SPATA16: variants seen among roughly 807,000 people sequenced by gnomAD.
The protein encoded by SPATA16 is spermatogenesis-associated protein 16.
Under a neutral mutation model 63.3 loss-of-function variants are expected in SPATA16, and 36 were observed. The observed-to-expected ratio is 0.57, with a 90% CI of 0.44 to 0.75. The LOEUF (loss-of-function observed/expected upper bound fraction) is 0.75. Among genes scored for constraint, SPATA16 ranks in the 30% least tolerant of loss-of-function variants. The pLI, the probability that SPATA16 is intolerant of heterozygous loss-of-function variation, is 0.00. For synonymous variants in SPATA16, 203 were observed against 216.7 expected (o/e 0.94, Z 0.56); for missense variants, 646 against 679.3 (o/e 0.95, Z 0.54).
chr3:173,055,845 C>A (rs1049634587), intron 2 of SPATA16, among the ~76,000 whole-genome samples: 1 of 152,092 alleles, frequency 6.6e-6, no homozygotes, highest in African/African-American at 2.4e-5. Context: ...ACTGCATAAA[C>A]GGTACATGAG....
rs1731974202 is a variant in SPATA16, at chr3:172,894,756, A to G, written c.1588-5064T>C. Among the ~76,000 whole-genome samples the G allele has an allele frequency of 3.3e-5, 5 of 152,314 alleles. No homozygotes were observed. The South Asian group carries it at 1.0e-3, about 32-fold the overall frequency. On this transcript the variant is annotated intron_variant, in intron 10 of 10. Coordinates refer to ENST00000351008, the MANE Select transcript of SPATA16 (RefSeq NM_031955.6). ...GAATGGAACTCTCGTGAATGGCATT[A>G]GTGCCCTTATGAAAAGAGGCCCAAG...
intron 2 of SPATA16, among the ~76,000 whole-genome samples, chr3:173,075,440 T>C (rs1315021815): frequency 6.6e-6 from 1 of 152,030 alleles, no homozygotes; most frequent in African/African-American, 2.4e-5. Flanking sequence ...AGATACCTAA[T>C]AGAAAGGAAA....
chr3:173,061,258 G>T (rs1338284178), intron 2 of SPATA16, among the ~76,000 whole-genome samples: 1 of 152,186 alleles, frequency 6.6e-6, no homozygotes, highest in Non-Finnish European at 1.5e-5. Context: ...GGATAAAATA[G>T]CACTGAGAGC....
At chr3:173,083,134 T>C (rs1207382645) in intron 2 of SPATA16, among the ~76,000 whole-genome samples, 1 of 152,076 alleles carries the variant, frequency 6.6e-6, no homozygotes, top group Non-Finnish European at 1.5e-5. Flanking sequence ...TTTTTTTTAC[T>C]ACACTGTTAT....
intron 2 of SPATA16, among the ~76,000 whole-genome samples, chr3:173,062,775 C>T (rs7620317): frequency 0.18 from 27,517 of 152,040 alleles, 2,565 homozygotes; most frequent in South Asian, 0.23. Context: ...ATTTTTTCCA[C>T]GGACAGGTTG....
chr3:172,977,061 A>G lies in SPATA16; in HGVS notation c.849-9T>C, dbSNP rs1315934798. On this transcript the variant is annotated splice_polypyrimidine_tract_variant and intron_variant, in intron 4 of 10. Coordinates refer to ENST00000351008, the MANE Select transcript of SPATA16 (RefSeq NM_031955.6). ...CAGCAATCATGGCACTCCTAAGAAC[A>G]AGGACAGATTAAAAAAAAAACAAAA... The G allele has an allele frequency of 6.2e-7, 1 of 1,607,658 alleles. No homozygotes were observed. Among genetic ancestry groups the G allele is most frequent in the African/African-American group, 1.3e-5 (1 of 74,956 alleles).
chr3:172,896,401 T>C (rs1321297411), intron 10 of SPATA16, among the ~76,000 whole-genome samples: 1 of 152,088 alleles, frequency 6.6e-6, no homozygotes, highest in Non-Finnish European at 1.5e-5. Context: ...TCTGTATTTT[T>C]TAGTAGAGAT....
intron 6 of SPATA16, among the ~76,000 whole-genome samples, chr3:172,947,120 G>A (rs143932531): frequency 2.0e-5 from 3 of 152,200 alleles, no homozygotes; most frequent in Non-Finnish European, 4.4e-5. Flanking sequence ...GAGTCTGCCA[G>A]AGTCACAGTG....
chr3:172,936,698 A>G (rs896768191), intron 6 of SPATA16, among the ~76,000 whole-genome samples: 6 of 151,756 alleles, frequency 4.0e-5, no homozygotes, highest in African/African-American at 1.5e-4. Flanking sequence ...TTATTTATTT[A>G]CTTATTTTTT....
intron 2 of SPATA16, among the ~76,000 whole-genome samples, chr3:173,086,802 A>G (rs1296422228): frequency 6.6e-6 from 1 of 152,152 alleles, no homozygotes; most frequent in Non-Finnish European, 1.5e-5. Flanking sequence ...TTAAGAAGTC[A>G]TTCAGGAGCA....
At chr3:172,935,478 A>G (rs915390689) in intron 6 of SPATA16, among the ~76,000 whole-genome samples, 5 of 152,288 alleles carry the variant, frequency 3.3e-5, no homozygotes, top group East Asian at 3.8e-4. Context: ...AGTAAGATAT[A>G]TAATTTTGAT....
intron 2 of SPATA16, among the ~76,000 whole-genome samples, chr3:173,058,497 C>G (rs1323867213): frequency 1.3e-5 from 2 of 151,954 alleles, no homozygotes; most frequent in Non-Finnish European, 2.9e-5. Context: ...CATAAAAGTG[C>G]TCTCCAGAAA....
chr3:173,015,772 G>C (rs1049504895), intron 4 of SPATA16, among the ~76,000 whole-genome samples: 1 of 152,098 alleles, frequency 6.6e-6, no homozygotes, highest in Non-Finnish European at 1.5e-5. Context: ...ATTGTCAAAA[G>C]TCATTAGCAG....
chr3:172,958,936 G>A (rs1733671684), intron 5 of SPATA16, among the ~76,000 whole-genome samples: 1 of 152,168 alleles, frequency 6.6e-6, no homozygotes, highest in African/African-American at 2.4e-5. Context: ...ATGGAATGCA[G>A]TCTAACTCTG....
rs547212639 is a variant in SPATA16, at chr3:173,061,392, C to T, written c.613-12298G>A. Among the ~76,000 whole-genome samples the T allele has an allele frequency of 7.2e-5, 11 of 152,264 alleles. No individual in the cohort carries two copies. In the South Asian group the frequency reaches 2.3e-3, roughly 32 times the overall value. On this transcript the variant is annotated intron_variant, in intron 2 of 10. Transcript: ENST00000351008. ...AACAATCTACTTTTTATCTGCCGTT[C>T]TTTCTTGGGGATTTGGTTTTCAGAA... is the stretch of plus-strand genomic sequence containing the variant.
chr3:173,070,289 G>A (rs888888081), intron 2 of SPATA16, among the ~76,000 whole-genome samples: 1 of 151,596 alleles, frequency 6.6e-6, no homozygotes, highest in African/African-American at 2.4e-5. Flanking sequence ...CAGCCACTCA[G>A]TAGGCTGAGG....
chr3:172,971,904 A>G (rs1269555125), intron 5 of SPATA16, among the ~76,000 whole-genome samples: 1 of 152,080 alleles, frequency 6.6e-6, no homozygotes, highest in Non-Finnish European at 1.5e-5. Flanking sequence ...ATGTAAAGAG[A>G]AGGAGTTGTA....
At chr3:173,136,021 A>C (rs906140723) in intron 1 of SPATA16, among the ~76,000 whole-genome samples, 2 of 152,238 alleles carry the variant, frequency 1.3e-5, no homozygotes, top group Non-Finnish European at 2.9e-5. Context: ...TTGCCTAAAC[A>C]CATGCCCCCT....
At chr3:172,900,598 T>C (rs148255704) in intron 10 of SPATA16, among the ~76,000 whole-genome samples, 1 of 152,238 alleles carries the variant, frequency 6.6e-6, no homozygotes, top group East Asian at 1.9e-4. Context: ...TTTTACAGTT[T>C]ATTTTTTCTT....
Sources: gnomAD v4.1 joint callset for allele counts (sites outside exome capture counted in the v4.1 genomes callset) on GRCh38, gnomAD v4.1.1 for gene constraint, MANE v1.5 for transcripts, NCBI Gene and HGNC (gene_info 2026-07-23, HGNC 2026-07-21) for gene names.